The following RHOT1 variants were observed in gnomAD, a reference collection of about 807,000 sequenced individuals.
RHOT1 encodes mitochondrial Rho GTPase 1.
RHOT1 carries 27 observed loss-of-function variants against 95.3 expected under a neutral mutation model. The ratio of observed to expected loss-of-function variants is 0.28; its 90% CI spans 0.21 to 0.39. The LOEUF is 0.39. Among genes scored for constraint, RHOT1 ranks in the 10% least tolerant of loss-of-function variants. The pLI is 1.00. For missense variants in RHOT1, 578 were observed against 786.7 expected, an observed-to-expected ratio of 0.73 and a Z score of 3.17; for synonymous variants, 227 against 263.5, an observed-to-expected ratio of 0.86 and a Z score of 1.34.
chr17:32,194,144 T>G (rs753341556), intron 11 of RHOT1, 37 bp downstream of exon 11: 1 of 1,596,028 alleles, frequency 6.3e-7, no homozygotes, highest in East Asian at 2.2e-5. Context: ...TGTTGTTGTT[T>G]AATTTTTTAT....
In RHOT1 at chr17:32,183,181, A is replaced by G; in HGVS notation, c.449A>G (p.Lys150Arg). The G allele has an allele frequency of 6.3e-7, 1 of 1,583,918 alleles. No individual in the cohort carries two copies. The highest frequency in any genetic ancestry group is 2.3e-5 in the East Asian group (1 of 44,248). ...EIETCVECSA[K>R]NLKNISELFY... is the part of the protein sequence containing the mutation. Reference sequence around the variant, plus strand: ...ATTTTATTTTTTCAGTGTTCAGCGAAAAACCTGAAGAACATATCAGAGCTC... The same window carrying G: ...ATTTTATTTTTTCAGTGTTCAGCGAGAAACCTGAAGAACATATCAGAGCTC... Residue 150 changes from lysine (K) to arginine (R), a missense_variant, in exon 8 of 20, where the codon AAA (lysine) becomes AGA (arginine). Physicochemically the swap from Lys to Arg is conservative, Grantham distance 26. This residue lies in a region of RHOT1 where 227 missense variants were observed against 316.0 expected (regional missense o/e 0.72). Coordinates refer to ENST00000545287, the MANE Select transcript of RHOT1 (RefSeq NM_001033566.3).
intron 8 of RHOT1, among the ~76,000 whole-genome samples, chr17:32,191,130 G>A (rs1027410606): frequency 2.0e-5 from 3 of 151,798 alleles, no homozygotes; most frequent in African/African-American, 2.4e-5. Flanking sequence ...TCTTTTTCTC[G>A]TTTCTTTCTC....
intron 1 of RHOT1, among the ~76,000 whole-genome samples, chr17:32,152,766 GT>G (rs948040322): frequency 6.6e-6 from 1 of 151,746 alleles, no homozygotes; most frequent in African/African-American, 2.4e-5. Context: ...GCCTTTCAGT[GT>G]TGGGGATTGG....
At chr17:32,204,488 TGTG>T (rs2037554318) in intron 16 of RHOT1, among the ~76,000 whole-genome samples, 1 of 146,634 alleles carries the variant, frequency 6.8e-6, no homozygotes, top group South Asian at 2.1e-4. Flanking sequence ...AGGTGGAGGT[TGTG>T]GTGAGCCAAG....
chr17:32,212,706 TTCTC>T (rs1331206557), intron 19 of RHOT1, among the ~76,000 whole-genome samples: 1 of 152,146 alleles, frequency 6.6e-6, no homozygotes, highest in East Asian at 1.9e-4. Flanking sequence ...CCCTATAACT[TTCTC>T]TCTTTAGTTT....
intron 11 of RHOT1, among the ~76,000 whole-genome samples, chr17:32,194,457 G>A (rs2036717586): frequency 6.6e-6 from 1 of 152,330 alleles, no homozygotes; most frequent in South Asian, 2.1e-4. Context: ...GTCCTGTGCA[G>A]TATAGGATCT....
At chr17:32,199,982 G>A (rs2037189613) in intron 13 of RHOT1, among the ~76,000 whole-genome samples, 1 of 131,572 alleles carries the variant, frequency 7.6e-6, no homozygotes, top group Admixed American at 8.3e-5. Context: ...TCACTCTGTT[G>A]CCCAGGCTGG....
At chr17:32,220,705 G>T (rs9912693) in intron 19 of RHOT1, among the ~76,000 whole-genome samples, 5,071 of 150,868 alleles carry the variant, frequency 0.034, 273 homozygotes, top group African/African-American at 0.12. Flanking sequence ...GCATGGTGGT[G>T]CACGCCTGTA....
At chr17:32,175,902 A>T in intron 4 of RHOT1, 60 bp from the exon 5 acceptor site, 1 of 1,148,130 alleles carries the variant, frequency 8.7e-7, no homozygotes, top group African/African-American at 1.6e-5. Flanking sequence ...GTTGCTAATT[A>T]AGTGCTGTCT....
chr17:32,221,748 T>C (rs1463567307), intron 19 of RHOT1, among the ~76,000 whole-genome samples: 1 of 152,214 alleles, frequency 6.6e-6, no homozygotes, highest in Non-Finnish European at 1.5e-5. Context: ...TGAACATGTA[T>C]CTATATTGAT....
chr17:32,220,353 G>GA (rs1380616121), intron 19 of RHOT1, among the ~76,000 whole-genome samples: 1 of 152,174 alleles, frequency 6.6e-6, no homozygotes, highest in Non-Finnish European at 1.5e-5. Flanking sequence ...GACAGAGCAA[G>GA]ACGCTGTCTC....
intron 1 of RHOT1, among the ~76,000 whole-genome samples, chr17:32,156,972 A>C (rs2033030702): frequency 6.6e-6 from 1 of 152,258 alleles, no homozygotes; most frequent in Non-Finnish European, 1.5e-5. Flanking sequence ...TAGATGAATA[A>C]GCAGCCTTGA....
At chr17:32,186,417 C>T (rs1251972705) in intron 8 of RHOT1, among the ~76,000 whole-genome samples, 1 of 147,554 alleles carries the variant, frequency 6.8e-6, no homozygotes, top group African/African-American at 2.5e-5. Context: ...AGGCTGGAGT[C>T]CAGTGGCACA....
At chr17:32,203,714 A>G (rs1018865734) in intron 15 of RHOT1, 176 bp from the exon 16 acceptor site, 2 of 548,256 alleles carry the variant, frequency 3.6e-6, no homozygotes, top group Admixed American at 3.8e-5. Context: ...CTTTTATTTT[A>G]GGTCTTAAGA....
At chr17:32,142,806 C>T (rs986897521) in intron 1 of RHOT1, 77 bp downstream of exon 1, 5 of 1,289,404 alleles carry the variant, frequency 3.9e-6, no homozygotes, top group Non-Finnish European at 5.3e-6. Context: ...CCTGTCGCCC[C>T]TGCAGCCCCA....
At chr17:32,182,715 G>A (rs745619111) in intron 6 of RHOT1, 42 bp from the exon 7 acceptor site, 4 of 1,102,384 alleles carry the variant, frequency 3.6e-6, no homozygotes, top group East Asian at 2.4e-5. Flanking sequence ...TAAATTTAAT[G>A]TCTTTTGCCT....
At position 32,171,056 on chromosome 17, in the gene RHOT1, G is replaced by A; in HGVS notation, c.51G>A (p.Lys17=). 1 of 1,606,196 alleles carries A rather than the reference G, an allele frequency of 6.2e-7. No individual in the cohort carries two copies. Among genetic ancestry groups the A allele is most frequent in the African/African-American group, 1.3e-5 (1 of 74,624 alleles). The part of the protein sequence containing the change: ...ILLVGEPRVG[K]TSLIMSLVSE... ...TTCTTTTCACAGCTAGAGTTGGGAAGACATCACTGATTATGTCTCTGGTCA... is the reference window on the plus strand; with the variant it reads ...TTCTTTTCACAGCTAGAGTTGGGAAAACATCACTGATTATGTCTCTGGTCA... The change falls in exon 2 of 20, where the codon AAG becomes AAA. Residue 17 remains lysine, a synonymous_variant. Transcript: ENST00000545287.
At chr17:32,176,132 G>A in intron 5 of RHOT1, 29 bp from the exon 6 acceptor site, 7 of 1,604,416 alleles carry the variant, frequency 4.4e-6, no homozygotes, top group Non-Finnish European at 6.0e-6. Flanking sequence ...TCCTTATCAT[G>A]GCTAAGCGCT....
At chr17:32,149,679 A>C (rs1476098329) in intron 1 of RHOT1, among the ~76,000 whole-genome samples, 2 of 138,816 alleles carry the variant, frequency 1.4e-5, no homozygotes, top group African/African-American at 5.3e-5. Flanking sequence ...ACATGCATAC[A>C]TACATACACT....
Sources: allele counts gnomAD v4.1 joint callset (sites outside exome capture counted in the v4.1 genomes callset), GRCh38; gene constraint gnomAD v4.1.1; regional missense constraint gnomAD v4.1.1; transcripts MANE v1.5; gene names NCBI Gene and HGNC (gene_info 2026-07-23, HGNC 2026-07-21).